The following OR2L13 variants were observed in gnomAD, a reference collection of about 807,000 sequenced individuals.
The protein encoded by OR2L13 is olfactory receptor family 2 subfamily L member 13, also known as olfactory receptor 2L13.
In OR2L13, 14 loss-of-function variants were observed where a neutral mutation model predicts 15.3. The ratio of observed to expected loss-of-function variants is 0.91; its 90% CI spans 0.60 to 1.43. The LOEUF is 1.43. Among genes scored for constraint, OR2L13 ranks in the 40% most tolerant of loss-of-function variants. The pLI is 0.00. For synonymous variants in OR2L13, 152 were observed against 142.9 expected, an observed-to-expected ratio of 1.06 and a Z score of -0.45; for missense variants, 367 against 387.9, an observed-to-expected ratio of 0.95 and a Z score of 0.45.
the OR2L13 span, among the ~76,000 whole-genome samples, chr1:247,972,233 T>C: frequency 6.6e-6 from 1 of 152,016 alleles, no homozygotes; most frequent in Non-Finnish European, 1.5e-5. Context: ...AGCAAACAAA[T>C]TCAAATGACT....
At chr1:248,093,198 G>T (rs915067126), upstream of OR2L13, among the ~76,000 whole-genome samples, 3 of 152,160 alleles carry the variant, frequency 2.0e-5, no homozygotes, top group South Asian at 2.1e-4. Context: ...GTGGGGTAAG[G>T]TTTGGGGAAA....
At chr1:248,066,281 T>C in the OR2L13 span, among the ~76,000 whole-genome samples, 1 of 152,212 alleles carries the variant, frequency 6.6e-6, no homozygotes, top group Non-Finnish European at 1.5e-5. Flanking sequence ...CGTTAATCTG[T>C]CTTGTACCAA....
the OR2L13 span, among the ~76,000 whole-genome samples, chr1:248,024,784 G>A: frequency 6.6e-6 from 1 of 152,156 alleles, no homozygotes; most frequent in Non-Finnish European, 1.5e-5. Context: ...TTTGATACCA[G>A]TACCACGCTG....
At chr1:248,022,184 G>A in the OR2L13 span, 3 of 1,613,896 alleles carry the variant, frequency 1.9e-6, no homozygotes, top group South Asian at 3.3e-5. Flanking sequence ...TTGTTCCTAA[G>A]ATGGCTTCTG....
At chr1:248,004,801 C>A in the OR2L13 span, among the ~76,000 whole-genome samples, 1 of 152,158 alleles carries the variant, frequency 6.6e-6, no homozygotes, top group East Asian at 1.9e-4. Context: ...AGTTTAGTTT[C>A]ATTTTTCTGC....
chr1:248,024,951 T>G, the OR2L13 span, among the ~76,000 whole-genome samples: 213 of 152,270 alleles, frequency 1.4e-3, 1 homozygote, highest in African/African-American at 4.8e-3. Flanking sequence ...AAGAAAGTCA[T>G]TGGTAGCTTG....
the OR2L13 span, among the ~76,000 whole-genome samples, chr1:248,044,614 T>C: frequency 1.1e-5 from 1 of 89,212 alleles, no homozygotes; most frequent in Non-Finnish European, 1.9e-5. Flanking sequence ...CCATCCTGGC[T>C]AACAAGGTGA....
the OR2L13 span, among the ~76,000 whole-genome samples, chr1:247,984,491 T>C: frequency 6.6e-6 from 1 of 152,196 alleles, no homozygotes; most frequent in Admixed American, 6.5e-5. Flanking sequence ...AAACTACTAA[T>C]ATAAATTACA....
the OR2L13 span, chr1:248,038,968 A>G: frequency 1.2e-5 from 19 of 1,613,914 alleles, no homozygotes; most frequent in Admixed American, 1.5e-4. Flanking sequence ...GAAGGGAGGA[A>G]GAAGGCCTAT....
At chr1:247,944,056 A>G in the OR2L13 span, among the ~76,000 whole-genome samples, 1 of 152,056 alleles carries the variant, frequency 6.6e-6, no homozygotes, top group Non-Finnish European at 1.5e-5. Context: ...GCTTTGTGCC[A>G]GTGCCACATT....
the OR2L13 span, among the ~76,000 whole-genome samples, chr1:248,065,795 C>A: frequency 6.6e-6 from 1 of 151,928 alleles, no homozygotes; most frequent in Non-Finnish European, 1.5e-5. Flanking sequence ...TACATGCCAT[C>A]CACAAATATG....
chr1:247,996,366 G>T, the OR2L13 span, among the ~76,000 whole-genome samples: 1 of 152,216 alleles, frequency 6.6e-6, no homozygotes, highest in Non-Finnish European at 1.5e-5. Context: ...ATATGATTAT[G>T]CATTTAAAGA....
the OR2L13 span, among the ~76,000 whole-genome samples, chr1:248,053,717 T>C: frequency 2.6e-5 from 4 of 152,202 alleles, no homozygotes; most frequent in Non-Finnish European, 5.9e-5. Flanking sequence ...AGTGATGTTG[T>C]GCTTTTTAAA....
chr1:248,053,200 C>A, the OR2L13 span, among the ~76,000 whole-genome samples: 1 of 152,126 alleles, frequency 6.6e-6, no homozygotes, highest in African/African-American at 2.4e-5. Context: ...CGAGAATATG[C>A]AGTATTTAGT....
At chr1:247,979,521 A>G in the OR2L13 span, among the ~76,000 whole-genome samples, 16 of 148,536 alleles carry the variant, frequency 1.1e-4, no homozygotes, top group African/African-American at 2.9e-4. Context: ...ATAGTATTTC[A>G]TGGTGTATAT....
the OR2L13 span, among the ~76,000 whole-genome samples, chr1:247,986,643 G>A: frequency 6.6e-6 from 1 of 152,086 alleles, no homozygotes; most frequent in Admixed American, 6.5e-5. Flanking sequence ...TTCCAATTCT[G>A]TGAAGAAAGT....
the OR2L13 span, chr1:248,084,189 C>T: frequency 6.2e-7 from 1 of 1,611,742 alleles, no homozygotes; most frequent in Non-Finnish European, 8.5e-7. Flanking sequence ...GCACAGCTGC[C>T]AGCTCATGAG....
the OR2L13 span, chr1:248,022,573 C>G: frequency 6.2e-7 from 1 of 1,614,140 alleles, no homozygotes; most frequent in Non-Finnish European, 8.5e-7. Flanking sequence ...CTTGTGTTTC[C>G]CTTCACTGGC....
chr1:247,942,196 C>G, the OR2L13 span, among the ~76,000 whole-genome samples: 1 of 152,138 alleles, frequency 6.6e-6, no homozygotes, highest in Non-Finnish European at 1.5e-5. Context: ...TAACCAAAAG[C>G]ATAAACTTTT....
Sources: gnomAD v4.1 joint callset for allele counts (sites outside exome capture counted in the v4.1 genomes callset) on GRCh38, gnomAD v4.1.1 for gene constraint, MANE v1.5 for transcripts, NCBI Gene and HGNC (gene_info 2026-07-23, HGNC 2026-07-21) for gene names.